YRDC: variants seen among roughly 807,000 people sequenced by gnomAD.
The protein encoded by YRDC is yrdC N6-threonylcarbamoyltransferase domain containing, also known as threonylcarbamoyl-AMP synthase.
In YRDC, 17 loss-of-function variants were observed where a neutral mutation model predicts 21.5. That is an observed-to-expected ratio of 0.79 (90% confidence interval 0.54 to 1.19). YRDC has a LOEUF of 1.19. YRDC is among the 50% of genes most tolerant of loss of function. The pLI is 0.00. For synonymous variants in YRDC, 193 were observed against 176.7 expected, an observed-to-expected ratio of 1.09 and a Z score of -0.73; for missense variants, 380 against 397.1, an observed-to-expected ratio of 0.96 and a Z score of 0.37.
chr1:37,807,422 G>A, intron 1 of YRDC: 2 of 617,276 alleles, frequency 3.2e-6, no homozygotes, highest in Non-Finnish European at 5.6e-6. Context: ...TCTGGTCTCA[G>A]GGACTACAAC....
At chr1:37,806,684 T>C (rs567211486) in intron 3 of YRDC, among the ~76,000 whole-genome samples, 173 bp downstream of exon 3, 3 of 152,332 alleles carry the variant, frequency 2.0e-5, no homozygotes, top group East Asian at 1.9e-4. Context: ...ATCTTTCAAA[T>C]TTTTTTAATT....
chr1:37,807,076 G>A, intron 2 of YRDC, 25 bp downstream of exon 2: 1 of 1,614,020 alleles, frequency 6.2e-7, no homozygotes, highest in Middle Eastern at 1.6e-4. Context: ...TGGAGTCTGG[G>A]GACACAAGAG....
intron 3 of YRDC, among the ~76,000 whole-genome samples, chr1:37,804,682 T>A (rs1237802627): frequency 6.6e-6 from 1 of 152,210 alleles, no homozygotes; most frequent in Non-Finnish European, 1.5e-5. Context: ...AAAGAAAATC[T>A]TGCTATGTCA....
At chr1:37,807,268 C>A in intron 1 of YRDC, 53 bp from the exon 2 acceptor site, 1 of 1,522,022 alleles carries the variant, frequency 6.6e-7, no homozygotes, top group South Asian at 1.1e-5. Flanking sequence ...CACTGGTGGT[C>A]CTTTCCTAGA....
At position 37,806,940 on chromosome 1, in the gene YRDC, G is replaced by C; in HGVS notation, c.541C>G (p.Gln181Glu). 1 of 1,614,206 alleles carries C rather than the reference G, an allele frequency of 6.2e-7. No homozygotes were observed. Among genetic ancestry groups the C allele is most frequent in the East Asian group, 2.2e-5 (1 of 44,884 alleles). Residue 181 changes from glutamine (Q) to glutamate (E), a missense_variant, in exon 3 of 5, where the codon CAA (glutamine) becomes GAA (glutamate). By Grantham distance (29) the Gln-to-Glu change is conservative. Around this residue, in one of 3 missense-constraint regions of YRDC, gnomAD observed 238 missense variants for 236.5 expected, o/e 1.01. Coordinates refer to ENST00000373044, the MANE Select transcript of YRDC (RefSeq NM_024640.4). ...GIRIPDHAFM[Q>E]DLAQMFEGPL... ...CCCTCAAACATCTGAGCCAAGTCTT[G>C]CATAAAAGCATGATCAGGAATCCGA...
chr1:37,807,622 A>T, intron 1 of YRDC, 170 bp downstream of exon 1: 1 of 1,226,494 alleles, frequency 8.2e-7, no homozygotes, highest in Non-Finnish European at 1.1e-6. Context: ...AGCAGCATGT[A>T]GTTCAGGGCC....
rs772022543 is a variant in YRDC, at chr1:37,806,933, A to C, written c.548T>G (p.Leu183Trp). The change falls in exon 3 of 5, where the codon TTG becomes TGG. Residue 183 changes from leucine to tryptophan, a missense_variant. By Grantham distance (61) the Leu-to-Trp change is moderately conservative. Transcript: ENST00000373044. ...AAGCGGACCCTCAAACATCTGAGCCAAGTCTTGCATAAAAGCATGATCAGG... is the reference window on the plus strand; with the variant it reads ...AAGCGGACCCTCAAACATCTGAGCCCAGTCTTGCATAAAAGCATGATCAGG... ...RIPDHAFMQD[L>W]AQMFEGPLAL... is the part of the protein sequence containing the mutation. 6.2e-7 allele frequency: 1 copy of C among 1,614,238 alleles called. No individual in the cohort carries two copies. The highest frequency in any genetic ancestry group is 8.5e-7 in the Non-Finnish European group (1 of 1,180,042).
At chr1:37,807,617 C>G (rs1646748506) in intron 1 of YRDC, 175 bp downstream of exon 1, 1 of 1,203,138 alleles carries the variant, frequency 8.3e-7, no homozygotes, top group South Asian at 1.9e-5. Flanking sequence ...TTCCCAGCAG[C>G]ATGTAGTTCA....
chr1:37,807,737 C>A (rs1646750083), intron 1 of YRDC, 55 bp downstream of exon 1: 11 of 1,421,420 alleles, frequency 7.7e-6, no homozygotes, highest in Non-Finnish European at 1.0e-5. Context: ...AGCCTGTCAC[C>A]GGAAACCCCT....
intron 4 of YRDC, 143 bp downstream of exon 4, chr1:37,804,159 C>A: frequency 7.0e-7 from 1 of 1,435,922 alleles, no homozygotes; most frequent in Non-Finnish European, 9.5e-7. Context: ...AAACTTAGTC[C>A]CACTGCAACT....
Position 37,807,144 on chromosome 1 carries a change from T to A in YRDC, c.461A>T (p.Glu154Val). ...GTCCTTGTTGAGCTCCTCCGAGCGT[T>A]CCATCACCAGGGTCACTGGTCCTGG... ...LLPGPVTLVM[E>V]RSEELNKDLN... The change falls in exon 2 of 5, where the codon GAA becomes GTA. Residue 154 changes from glutamate (E) to valine (V), a missense_variant. Around this residue, in one of 3 missense-constraint regions of YRDC, gnomAD observed 238 missense variants for 236.5 expected, o/e 1.01. Transcript: ENST00000373044. 1 of 1,614,170 alleles carries A rather than the reference T, an allele frequency of 6.2e-7. No homozygotes were observed. The highest frequency in any genetic ancestry group is 8.5e-7 in the Non-Finnish European group (1 of 1,180,032).
chr1:37,805,032 G>A (rs1316340719), intron 3 of YRDC, among the ~76,000 whole-genome samples: 1 of 152,152 alleles, frequency 6.6e-6, no homozygotes, highest in African/African-American at 2.4e-5. Context: ...TGGGAGGCTG[G>A]ATCTCTTGAG....
Position 37,808,170 on chromosome 1 carries a change from G to C in YRDC, c.11C>G (p.Ala4Gly). 16 of 1,455,310 alleles carry C rather than the reference G, an allele frequency of 1.1e-5. No individual in the cohort carries two copies. Among genetic ancestry groups the C allele is most frequent in the African/African-American group, 1.5e-5 (1 of 68,286 alleles). The allele number at this position is 1,455,310 out of a possible 1,614,324, so 90.1% of individuals were successfully genotyped here. A position where few individuals can be genotyped will look rare whatever the true frequency, so the allele number is the denominator to read the frequency against. MSP[A>G]RRCRGMRAAV... ...GGCCCTCATCCCCCTGCACCGACGC[G>C]CCGGAGACATCCGCCCAGGCCCGCT... The change falls in exon 1 of 5, where the codon GCG becomes GGG. Residue 4 changes from alanine (A) to glycine (G), a missense_variant. Ala to Gly is a moderately conservative substitution (Grantham distance 60, BLOSUM62 0). This residue lies in a region of YRDC where 91 missense variants were observed against 64.7 expected (regional missense o/e 1.41). Coordinates refer to ENST00000373044, the MANE Select transcript of YRDC (RefSeq NM_024640.4).
chr1:37,806,994 A>G lies in YRDC; in HGVS notation c.505-18T>C, dbSNP rs748895850. The stretch of plus-strand genomic sequence containing the variant: ...CCTACAAGCTGTAAGGCAAGGGGAA[A>G]GGGATCATGAGAAAGGTTGGAAGGG... On this transcript the variant is annotated intron_variant, in intron 2 of 4. Transcript: ENST00000373044. The G allele has an allele frequency of 6.2e-7, 1 of 1,614,214 alleles. No homozygotes were observed. The highest frequency in any genetic ancestry group is 8.5e-7 in the Non-Finnish European group (1 of 1,180,024).
rs3795493 is a variant in YRDC, at chr1:37,805,643, C to T, written c.625-1199G>A. On this transcript the variant is annotated intron_variant, in intron 3 of 4. Transcript: ENST00000373044. ...AACCTCCCCTCCCTGTGCCACATCC[C>T]GATTCTTGCTCCTGGGGTACAGCCA... Among the ~76,000 whole-genome samples, 34 of 152,290 alleles carry T rather than the reference C, an allele frequency of 2.2e-4. No homozygotes were observed. In the East Asian group the frequency reaches 6.2e-3, roughly 28 times the overall value.
In YRDC at chr1:37,806,914, A is replaced by G. The variant is rs759417116; in HGVS notation, c.567T>C (p.Gly189=). 3.1e-6 allele frequency: 5 copies of G among 1,614,060 alleles called. No homozygotes were observed. The highest frequency in any genetic ancestry group is 4.2e-6 in the Non-Finnish European group (5 of 1,180,036). The change falls in exon 3 of 5, where the codon GGT becomes GGC. Residue 189 remains glycine (G), a synonymous_variant. Coordinates refer to ENST00000373044, the MANE Select transcript of YRDC (RefSeq NM_024640.4). Reference sequence around the variant, plus strand: ...GGTTGGCACTAGTGAGAGCAAGCGGACCCTCAAACATCTGAGCCAAGTCTT... The same window carrying G: ...GGTTGGCACTAGTGAGAGCAAGCGGGCCCTCAAACATCTGAGCCAAGTCTT... The part of the protein sequence containing the change: ...FMQDLAQMFE[G]PLALTSANLS...
Position 37,808,054 on chromosome 1 carries a change from G to A in YRDC, c.127C>T (p.Pro43Ser). 3 of 1,324,040 alleles carry A rather than the reference G, an allele frequency of 2.3e-6. No individual in the cohort carries two copies. The highest frequency in any genetic ancestry group is 3.1e-5 in the East Asian group (1 of 32,198). The allele number at this position is 1,324,040 out of a possible 1,614,324, so 82.0% of individuals were successfully genotyped here. Residue 43 changes from proline (P) to serine (S), a missense_variant, in exon 1 of 5, where the codon CCC (proline) becomes TCC (serine). By Grantham distance (74) the Pro-to-Ser change is moderately conservative. This residue lies in a region of YRDC where 51 missense variants were observed against 95.9 expected (regional missense o/e 0.53). Transcript: ENST00000373044. ...FRPPSPAPAA[P>S]GARLLRLPGS... ...GGGAGCCGCAACAGCCGGGCGCCGGGGGCCGCCGGAGCGGGACTCGGCGGG... is the reference window on the plus strand; with the variant it reads ...GGGAGCCGCAACAGCCGGGCGCCGGAGGCCGCCGGAGCGGGACTCGGCGGG...
chr1:37,806,718 T>C, intron 3 of YRDC, 139 bp downstream of exon 3: 1 of 1,371,352 alleles, frequency 7.3e-7, no homozygotes. Flanking sequence ...ACCACCTCCC[T>C]GCCAGCTGGG....
chr1:37,807,273 C>T, intron 1 of YRDC, 58 bp from the exon 2 acceptor site: 16 of 1,480,672 alleles, frequency 1.1e-5, no homozygotes, highest in Non-Finnish European at 1.4e-5. Context: ...GTGGTCCTTT[C>T]CTAGACTCTA....
Sources: allele counts gnomAD v4.1 joint callset (sites outside exome capture counted in the v4.1 genomes callset), GRCh38; gene constraint gnomAD v4.1.1; regional missense constraint gnomAD v4.1.1; transcripts MANE v1.5; gene names NCBI Gene and HGNC (gene_info 2026-07-23, HGNC 2026-07-21).